The following EYA2 variants were observed in gnomAD, a reference collection of about 807,000 sequenced individuals.
EYA2 encodes EYA transcriptional coactivator and phosphatase 2, also known as protein phosphatase EYA2.
Under a neutral mutation model 69.2 loss-of-function variants are expected in EYA2, and 31 were observed. The observed-to-expected ratio is 0.45, with a 90% CI of 0.34 to 0.60. The LOEUF is 0.60. Among genes scored for constraint, EYA2 ranks in the 20% least tolerant of loss-of-function variants. EYA2 has a pLI of 0.02. For missense variants in EYA2, 622 were observed against 701.2 expected (o/e 0.89, Z 1.28); for synonymous variants, 257 against 279.4 (o/e 0.92, Z 0.80).
intron 9 of EYA2, among the ~76,000 whole-genome samples, chr20:47,109,417 C>T (rs1369455065): frequency 6.6e-6 from 1 of 152,164 alleles, no homozygotes. Flanking sequence ...CCCTATATAG[C>T]TCAGTGTATA....
chr20:46,906,023 T>G (rs6063033), intron 1 of EYA2, among the ~76,000 whole-genome samples: 1 of 152,122 alleles, frequency 6.6e-6, no homozygotes, highest in Non-Finnish European at 1.5e-5. Context: ...TTTAATGATG[T>G]GGGCACCCTT....
chr20:46,967,354 C>G (rs563551467), intron 1 of EYA2, among the ~76,000 whole-genome samples: 1 of 152,318 alleles, frequency 6.6e-6, no homozygotes, highest in East Asian at 1.9e-4. Context: ...CTCATGGCTA[C>G]TGATTAGAGT....
At chr20:47,097,889 CT>C (rs1350745380) in intron 9 of EYA2, among the ~76,000 whole-genome samples, 8 of 152,190 alleles carry the variant, frequency 5.3e-5, no homozygotes, top group African/African-American at 1.9e-4. Flanking sequence ...AAGGGCAGTA[CT>C]TAAGACGACA....
intron 1 of EYA2, among the ~76,000 whole-genome samples, chr20:46,934,062 T>C (rs1246444886): frequency 2.0e-5 from 3 of 152,212 alleles, no homozygotes; most frequent in Non-Finnish European, 4.4e-5. Flanking sequence ...AACTGATCAT[T>C]AGCAAAGTGT....
At position 46,926,924 on chromosome 20, in the gene EYA2, T is replaced by C. The variant is rs150313096; in HGVS notation, c.-11+31937T>C. 2.4e-3 allele frequency among the ~76,000 whole-genome samples: 363 copies of C among 152,324 alleles called. 2 individuals carry two copies. Among genetic ancestry groups the C allele is most frequent in the African/African-American group, 8.2e-3 (339 of 41,568 alleles). On this transcript the variant is annotated intron_variant, in intron 1 of 15. Coordinates refer to ENST00000327619, the MANE Select transcript of EYA2 (RefSeq NM_005244.5). ...TCCTCTGGTTGCTCCTTCTTAGTTA[T>C]TCTGGGGGAAAGCAGGTGCCATGGG...
chr20:46,990,950 A>G (rs1167694102), intron 2 of EYA2, among the ~76,000 whole-genome samples: 2 of 152,252 alleles, frequency 1.3e-5, no homozygotes, highest in African/African-American at 2.4e-5. Flanking sequence ...CCAGGCTTCC[A>G]TGAGTAATTA....
chr20:46,990,030 C>T lies in EYA2; in HGVS notation c.20C>T (p.Ser7Leu), dbSNP rs760216803. The part of the protein sequence containing the change: MVELVI[S>L]PSLTVNSDCL... ...AAGGAAATGGTAGAACTAGTGATCT[C>T]ACCCAGCCTCACTGTAAACAGCGAT... The change falls in exon 2 of 16, where the codon TCA becomes TTA. Residue 7 changes from serine (S) to leucine (L), a missense_variant. By Grantham distance (145) the Ser-to-Leu change is moderately radical. Coordinates refer to ENST00000327619, the MANE Select transcript of EYA2 (RefSeq NM_005244.5). The T allele has an allele frequency of 1.2e-6, 2 of 1,604,520 alleles. No individual in the cohort carries two copies. Among genetic ancestry groups the T allele is most frequent in the Admixed American group, 3.3e-5 (2 of 60,008 alleles).
chr20:47,051,423 T>C (rs556390478), intron 5 of EYA2, among the ~76,000 whole-genome samples: 59 of 152,196 alleles, frequency 3.9e-4, no homozygotes, highest in Non-Finnish European at 8.2e-4. Context: ...GACCAAAAAT[T>C]ACAGCAGATT....
Position 47,087,819 on chromosome 20 carries a change from CCATT to C in EYA2, c.662-1417_662-1414del, listed in dbSNP as rs559065350. 3.3e-3 allele frequency among the ~76,000 whole-genome samples: 500 copies of C among 152,360 alleles called. 3 individuals are homozygous for C. Among genetic ancestry groups the C allele is most frequent in the Non-Finnish European group, 4.8e-3 (329 of 68,036 alleles). Reference sequence around the variant, plus strand: ...CCATGGGTTGACTCCAGCCAGAACTCCATTCAAGTCACCTCCTAACTGCCAGGCC... The same window carrying C: ...CCATGGGTTGACTCCAGCCAGAACTCCAAGTCACCTCCTAACTGCCAGGCC... On this transcript the variant is annotated intron_variant, in intron 7 of 15. Coordinates refer to ENST00000327619, the MANE Select transcript of EYA2 (RefSeq NM_005244.5).
At chr20:47,022,643 C>A (rs1032301211) in intron 5 of EYA2, among the ~76,000 whole-genome samples, 2 of 144,276 alleles carry the variant, frequency 1.4e-5, no homozygotes, top group Non-Finnish European at 3.0e-5. Context: ...TAACTCACAT[C>A]CTAAACTTCA....
At chr20:47,092,692 G>A (rs1432797628) in intron 8 of EYA2, among the ~76,000 whole-genome samples, 1 of 152,164 alleles carries the variant, frequency 6.6e-6, no homozygotes, top group Non-Finnish European at 1.5e-5. Flanking sequence ...ATTATAGGGT[G>A]ATATTATTCT....
intron 5 of EYA2, among the ~76,000 whole-genome samples, chr20:47,061,731 T>C (rs192435368): frequency 1.9e-4 from 29 of 152,344 alleles, no homozygotes; most frequent in African/African-American, 6.3e-4. Flanking sequence ...CACATGATCC[T>C]ACGCTCATCT....
intron 5 of EYA2, among the ~76,000 whole-genome samples, chr20:47,067,418 T>C (rs1045616546): frequency 1.3e-5 from 2 of 152,140 alleles, no homozygotes; most frequent in Non-Finnish European, 2.9e-5. Flanking sequence ...AAAATTTAAA[T>C]GTACATTCTC....
At chr20:46,990,507 C>T (rs1414003826) in intron 2 of EYA2, among the ~76,000 whole-genome samples, 1 of 152,196 alleles carries the variant, frequency 6.6e-6, no homozygotes, top group Admixed American at 6.5e-5. Flanking sequence ...TCCAAGCAGG[C>T]GTCTTGCTTA....
chr20:46,941,124 C>T (rs531448468), intron 1 of EYA2, among the ~76,000 whole-genome samples: 11 of 152,216 alleles, frequency 7.2e-5, no homozygotes, highest in Non-Finnish European at 1.0e-4. Context: ...AGGGGACCCC[C>T]GTGCTGGATG....
intron 6 of EYA2, among the ~76,000 whole-genome samples, chr20:47,072,784 ACT>A (rs1440313369): frequency 1.3e-5 from 2 of 152,164 alleles, no homozygotes; most frequent in Non-Finnish European, 2.9e-5. Context: ...GTGTGCAGTA[ACT>A]CTGCTGTGTG....
chr20:47,022,971 C>T (rs1258864836), intron 5 of EYA2, among the ~76,000 whole-genome samples: 1 of 151,954 alleles, frequency 6.6e-6, no homozygotes, highest in Non-Finnish European at 1.5e-5. Flanking sequence ...ATTTTTGTCA[C>T]CCCGCAAAGA....
intron 9 of EYA2, among the ~76,000 whole-genome samples, chr20:47,137,628 T>G (rs3827050): frequency 0.017 from 2,618 of 152,272 alleles, 113 homozygotes; most frequent in East Asian, 0.16. Flanking sequence ...TATTTATGGT[T>G]TATAGTAGGG....
At chr20:46,909,894 G>A (rs1364807771) in intron 1 of EYA2, among the ~76,000 whole-genome samples, 1 of 151,906 alleles carries the variant, frequency 6.6e-6, no homozygotes, top group Non-Finnish European at 1.5e-5. Flanking sequence ...TACTCTTTGT[G>A]TGCATGTTTT....
Sources: allele counts gnomAD v4.1 joint callset (sites outside exome capture counted in the v4.1 genomes callset), GRCh38; gene constraint gnomAD v4.1.1; transcripts MANE v1.5; gene names NCBI Gene and HGNC (gene_info 2026-07-23, HGNC 2026-07-21).